KIF13A: variants seen among roughly 807,000 people sequenced by gnomAD.
The protein encoded by KIF13A is kinesin-like protein KIF13A.
In KIF13A, 79 loss-of-function variants were observed where a neutral mutation model predicts 212.2. The ratio of observed to expected loss-of-function variants is 0.37; its 90% confidence interval spans 0.31 to 0.45. The LOEUF is 0.45. Ranked by LOEUF, KIF13A falls within the 20% of genes least tolerant of loss-of-function variation. KIF13A has a pLI of 1.00. For synonymous variants in KIF13A, 789 were observed against 808.6 expected (o/e 0.98, Z 0.41); for missense variants, 1,901 against 2,209.0 (o/e 0.86, Z 2.79).
chr6:17,987,476 C>A lies in KIF13A; in HGVS notation c.-13G>T. On this transcript the variant is annotated 5_prime_UTR_variant, in exon 1 of 39. Transcript: ENST00000259711. This position sits in a 1 kb window ranked among gnomAD's most constrained non-coding sequence, Gnocchi z 7.7. The stretch of plus-strand genomic sequence containing the variant: ...TGGTATCCGACATGTTGGCTGCGCT[C>A]GCCCGGCCGCTCGCCGCGCCCGCTC... The A allele has an allele frequency of 4.0e-6, 5 of 1,257,020 alleles. No individual in the cohort carries two copies. The highest frequency in any genetic ancestry group is 5.8e-5 in the East Asian group (1 of 17,174). 77.9% of individuals were successfully genotyped at this position (1,257,020 alleles called of 1,614,324 possible).
chr6:17,802,168 G>C (rs148591959), intron 20 of KIF13A, among the ~76,000 whole-genome samples: 1 of 152,234 alleles, frequency 6.6e-6, no homozygotes, highest in African/African-American at 2.4e-5. Flanking sequence ...ACAGCAATTG[G>C]TACTGGCACC....
In KIF13A at chr6:17,971,706, T is replaced by G. The variant is rs938696365; in HGVS notation, c.146+15348A>C. On this transcript the variant is annotated intron_variant, in intron 2 of 38. Transcript: ENST00000259711. This position sits in a 1 kb window ranked among gnomAD's most constrained non-coding sequence, Gnocchi z 4.2. ...TCCCAAAGAATTGGGATTACAGGAG[T>G]GAGTCACCACGTCCGGCTTGCTCTT... Among the ~76,000 whole-genome samples the G allele has an allele frequency of 2.6e-5, 4 of 152,078 alleles. No homozygotes were observed. Among genetic ancestry groups the G allele is most frequent in the African/African-American group, 7.2e-5 (3 of 41,394 alleles).
intron 4 of KIF13A, among the ~76,000 whole-genome samples, chr6:17,857,770 C>G (rs1374931648): frequency 6.6e-6 from 1 of 152,120 alleles, no homozygotes; most frequent in Non-Finnish European, 1.5e-5. Context: ...GGGAATATGC[C>G]TACACTGCCT....
At chr6:17,922,505 A>C (rs1423456267) in intron 2 of KIF13A, among the ~76,000 whole-genome samples, 4 of 152,196 alleles carry the variant, frequency 2.6e-5, no homozygotes, top group Admixed American at 1.3e-4. Flanking sequence ...GAAGAAAGCA[A>C]GCCCGTGAAT....
At chr6:17,842,617 C>A (rs1310315824) in intron 9 of KIF13A, among the ~76,000 whole-genome samples, 2 of 152,052 alleles carry the variant, frequency 1.3e-5, no homozygotes, top group African/African-American at 4.8e-5. Flanking sequence ...AAATCTCTCA[C>A]CATAAGTTCT....
At chr6:17,833,349 G>A (rs1308580344) in intron 12 of KIF13A, among the ~76,000 whole-genome samples, 2 of 151,840 alleles carry the variant, frequency 1.3e-5, no homozygotes, top group African/African-American at 4.8e-5. Context: ...GATAAAATTA[G>A]CTGGGCATGG....
chr6:17,770,024 G>A (rs1330354863), intron 38 of KIF13A, among the ~76,000 whole-genome samples: 1 of 152,150 alleles, frequency 6.6e-6, no homozygotes, highest in African/African-American at 2.4e-5. Context: ...TGAGAAGGTT[G>A]TTTCTGAAGA....
chr6:17,764,270 G>T lies in KIF13A; in HGVS notation c.5258C>A (p.Ser1753Tyr), dbSNP rs2150281280. The change falls in exon 39 of 39, where the codon TCT becomes TAT. Residue 1753 changes from serine (S) to tyrosine (Y), a missense_variant. Physicochemically the swap from Ser to Tyr is moderately radical, Grantham distance 144. Around this residue, in one of 5 missense-constraint regions of KIF13A, gnomAD observed 687 missense variants for 759.1 expected, o/e 0.90. Coordinates refer to ENST00000259711, the MANE Select transcript of KIF13A (RefSeq NM_022113.6). This position sits in a 1 kb window ranked among gnomAD's most constrained non-coding sequence, Gnocchi z 5.1. Reference protein sequence around the residue: ...EGKDFDGLTDSSAGELSSRRS... With the variant: ...EGKDFDGLTDYSAGELSSRRS... ...CCTACTGGAAAGCTCTCCAGCAGAAGAATCTGTCAAACCATCAAAATCTTT... is the reference window on the plus strand; with the variant it reads ...CCTACTGGAAAGCTCTCCAGCAGAATAATCTGTCAAACCATCAAAATCTTT... 6.2e-7 allele frequency: 1 copy of T among 1,613,976 alleles called. No individual in the cohort carries two copies. Among genetic ancestry groups the T allele is most frequent in the Non-Finnish European group, 8.5e-7 (1 of 1,179,868 alleles).
At chr6:17,844,056 A>AAAAAG in intron 9 of KIF13A, among the ~76,000 whole-genome samples, 1 of 151,710 alleles carries the variant, frequency 6.6e-6, no homozygotes, top group African/African-American at 2.4e-5. Flanking sequence ...AAAAAAAAAA[A>AAAAAG]AAAGAAAGAA....
intron 9 of KIF13A, among the ~76,000 whole-genome samples, chr6:17,845,567 C>T (rs1353349760): frequency 6.6e-6 from 1 of 152,206 alleles, no homozygotes; most frequent in East Asian, 1.9e-4. Flanking sequence ...CTAGCCATTA[C>T]TGAATAAAAT....
In KIF13A at chr6:17,808,845, C is replaced by T. The variant is rs751985111; in HGVS notation, c.2086G>A (p.Ala696Thr). 2 of 1,613,820 alleles carry T rather than the reference C, an allele frequency of 1.2e-6. No individual in the cohort carries two copies. The highest frequency in any genetic ancestry group is 1.7e-6 in the Non-Finnish European group (2 of 1,179,836). Residue 696 changes from alanine (A) to threonine (T), a missense_variant, in exon 18 of 39, where the codon GCT (alanine) becomes ACT (threonine). By Grantham distance (58) the Ala-to-Thr change is moderately conservative (BLOSUM62 0). Around this residue, in one of 5 missense-constraint regions of KIF13A, gnomAD observed 534 missense variants for 536.9 expected, o/e 0.99. Coordinates refer to ENST00000259711, the MANE Select transcript of KIF13A (RefSeq NM_022113.6). ...TCGGTGAGTTTGCTCATTTCCTCAG[C>T]CAGGAAGTTTGCTTCCCTCACCAAG... ...NTLVREANFL[A>T]EEMSKLTDYQ...
At chr6:17,875,242 T>C (rs1770441362) in intron 3 of KIF13A, among the ~76,000 whole-genome samples, 1 of 152,166 alleles carries the variant, frequency 6.6e-6, no homozygotes. Flanking sequence ...TTTTCCATAG[T>C]GGTTGTACTA....
rs373357243 is a variant in KIF13A at position 17,829,622 on chromosome 6, T to C, written c.1402-1252A>G. Among the ~76,000 whole-genome samples the C allele has an allele frequency of 2.0e-4, 31 of 152,346 alleles. No individual in the cohort carries two copies. The highest frequency in any genetic ancestry group is 6.3e-4 in the African/African-American group (26 of 41,586). ...CCACTGCTTATCCCATTTTTTTCTA[T>C]TGCTCTTAAAATAGTTTAATAACTA... On this transcript the variant is annotated intron_variant, in intron 13 of 38. Coordinates refer to ENST00000259711, the MANE Select transcript of KIF13A (RefSeq NM_022113.6). The surrounding 1 kb of genome is among the most constrained non-coding windows in gnomAD (Gnocchi z 5.4).
intron 2 of KIF13A, among the ~76,000 whole-genome samples, chr6:17,974,905 G>A (rs1054623883): frequency 6.6e-6 from 1 of 152,168 alleles, no homozygotes; most frequent in Admixed American, 6.5e-5. Context: ...ATCACATAGG[G>A]CTACTGGCTA....
intron 3 of KIF13A, among the ~76,000 whole-genome samples, chr6:17,880,128 A>AT (rs1770921525): frequency 6.6e-6 from 1 of 151,922 alleles, no homozygotes; most frequent in Non-Finnish European, 1.5e-5. Flanking sequence ...GCTAATTGTT[A>AT]TTTTTTGTAG....
In KIF13A at chr6:17,987,158, G is replaced by A. The variant is rs1221496022; in HGVS notation, c.56-14C>T. 6.2e-7 allele frequency: 1 copy of A among 1,601,512 alleles called. No individual in the cohort carries two copies. The highest frequency in any genetic ancestry group is 1.1e-5 in the South Asian group (1 of 90,284). On this transcript the variant is annotated splice_polypyrimidine_tract_variant and intron_variant, in intron 1 of 38. Coordinates refer to ENST00000259711, the MANE Select transcript of KIF13A (RefSeq NM_022113.6). The surrounding 1 kb of genome is among the most constrained non-coding windows in gnomAD (Gnocchi z 7.7). ...TCAGTTCCAGTTCTGAAAGCAGAGA[G>A]AAAGGGACGTTGCAAAGTCCAGCAT...
chr6:17,874,694 TGA>T (rs1770341728), intron 3 of KIF13A, among the ~76,000 whole-genome samples: 1 of 152,006 alleles, frequency 6.6e-6, no homozygotes, highest in Non-Finnish European at 1.5e-5. Context: ...TGGTGATTTG[TGA>T]GATTTTGGTG....
rs1166550149 is a variant in KIF13A, at chr6:17,796,911, G to A, written c.2791-91C>T. 3 of 775,200 alleles carry A rather than the reference G, an allele frequency of 3.9e-6. No homozygotes were observed. In the African/African-American group the frequency reaches 5.4e-5, roughly 14 times the overall value. 48.0% of individuals were successfully genotyped at this position (775,200 alleles called of 1,614,324 possible). A position where few individuals can be genotyped will look rare whatever the true frequency, so the allele number is the denominator to read the frequency against. On this transcript the variant is annotated intron_variant, in intron 22 of 38. Transcript: ENST00000259711. ...TTTCAACTGTTATATTTATTTTAGA[G>A]TATATTAGCCTGATCGTGACCTTAA...
intron 2 of KIF13A, among the ~76,000 whole-genome samples, chr6:17,916,593 C>T (rs1254421510): frequency 2.0e-5 from 3 of 152,140 alleles, no homozygotes; most frequent in Admixed American, 6.6e-5. Context: ...AGAAACAAAT[C>T]TTTTTTCCAT....
Sources: allele counts gnomAD v4.1 joint callset (sites outside exome capture counted in the v4.1 genomes callset), GRCh38; gene constraint gnomAD v4.1.1; regional missense constraint gnomAD v4.1.1; non-coding constraint Gnocchi (gnomAD v3.1); transcripts MANE v1.5; gene names NCBI Gene and HGNC (gene_info 2026-07-23, HGNC 2026-07-21).